Variants in ZNF576 observed in about 807,000 individuals in gnomAD.
ZNF576 encodes the protein zinc finger protein 576.
In ZNF576, 9 loss-of-function variants were observed where a neutral mutation model predicts 10.8. That is an observed-to-expected ratio of 0.84 (90% CI 0.50 to 1.46). The LOEUF (loss-of-function observed/expected upper bound fraction) is 1.46, where lower values mean the gene tolerates loss of function less well. ZNF576 is among the 40% of genes most tolerant of loss of function. The probability of loss-of-function intolerance (pLI) is 0.00; values close to 1 mark genes in which losing one functional copy is unlikely to be tolerated. For synonymous variants in ZNF576, 88 were observed against 89.6 expected (o/e 0.98, Z 0.10); for missense variants, 191 against 233.7 (o/e 0.82, Z 1.19).
chr19:43,598,617 A>G (rs1372405640), intron 2 of ZNF576, among the ~76,000 whole-genome samples: 1 of 152,136 alleles, frequency 6.6e-6, no homozygotes, highest in Non-Finnish European at 1.5e-5. Context: ...TCCTAGCCTC[A>G]TGACTATGGG....
chr19:43,597,491 G>T (rs1024413665), intron 2 of ZNF576: 10 of 295,940 alleles, frequency 3.4e-5, no homozygotes, highest in African/African-American at 1.1e-4. Context: ...TCTATTGGGA[G>T]AGAAACCCCA....
chr19:43,599,245 G>A lies in ZNF576; in HGVS notation c.500G>A (p.Arg167Gln), dbSNP rs765979082. The A allele has an allele frequency of 2.2e-5, 35 of 1,612,806 alleles. No individual in the cohort carries two copies. The highest frequency in any genetic ancestry group is 7.7e-5 in the South Asian group (7 of 91,002). Residue 167 changes from arginine (R) to glutamine (Q), a missense_variant, in exon 3 of 3, where the codon CGG (arginine) becomes CAG (glutamine). By Grantham distance (43) the Arg-to-Gln change is conservative (BLOSUM62 1). Transcript: ENST00000336564. ...CATCAACACTACATTCGGCATGCCCGGGGGGAGCTCTGAGTGCAGCTTAAG... is the reference window on the plus strand; with the variant it reads ...CATCAACACTACATTCGGCATGCCCAGGGGGAGCTCTGAGTGCAGCTTAAG... Reference protein sequence around the residue: ...GLHQHYIRHARGEL With the variant: ...GLHQHYIRHAQGEL
chr19:43,598,131 G>A (rs1973170146), intron 2 of ZNF576, among the ~76,000 whole-genome samples: 1 of 152,232 alleles, frequency 6.6e-6, no homozygotes, highest in Non-Finnish European at 1.5e-5. Flanking sequence ...AGCAGCAGCA[G>A]ACATTCACAT....
At chr19:43,597,413 C>T (rs920062597) in intron 2 of ZNF576, 2 of 502,662 alleles carry the variant, frequency 4.0e-6, no homozygotes, top group Non-Finnish European at 7.3e-6. Context: ...GATTGCAATG[C>T]TTATGCATTC....
intron 2 of ZNF576, 31 bp downstream of exon 2, chr19:43,597,224 G>A: frequency 1.9e-6 from 3 of 1,600,474 alleles, no homozygotes; most frequent in Non-Finnish European, 2.6e-6. Context: ...GGCTAGAGGA[G>A]GGTGGGGTGC....
Position 43,599,252 on chromosome 19 carries a change from GCT to G in ZNF576, c.510_511del (p.Ter171SerfsTer4). 1 of 1,612,654 alleles carries G rather than the reference GCT, an allele frequency of 6.2e-7. No homozygotes were observed. Among genetic ancestry groups the G allele is most frequent in the South Asian group, 1.1e-5 (1 of 91,006 alleles). ...ACTACATTCGGCATGCCCGGGGGGAGCTCTGAGTGCAGCTTAAGCCTCTCCAC... is the reference window on the plus strand; with the variant it reads ...ACTACATTCGGCATGCCCGGGGGGAGCTGAGTGCAGCTTAAGCCTCTCCAC... ...QHYIRHARGE[L>X] On this transcript the variant is annotated frameshift_variant, in exon 3 of 3. Coordinates refer to ENST00000336564, the MANE Select transcript of ZNF576 (RefSeq NM_001145347.2). LOFTEE classifies it high-confidence loss of function.
chr19:43,598,573 C>T (rs1027098725), intron 2 of ZNF576, among the ~76,000 whole-genome samples: 4 of 152,198 alleles, frequency 2.6e-5, no homozygotes, highest in Non-Finnish European at 5.9e-5. Flanking sequence ...CAGGCTGACT[C>T]TCTGGGTTCC....
chr19:43,599,198 C>T lies in ZNF576; in HGVS notation c.453C>T (p.Asp151=). The change falls in exon 3 of 3, where the codon GAC becomes GAT. Residue 151 remains aspartate (D), a synonymous_variant. Transcript: ENST00000336564. The part of the protein sequence containing the change: ...GTFACTECGQ[D]FAQEAGLHQH... The stretch of plus-strand genomic sequence containing the variant: ...TCGCCTGCACAGAGTGCGGTCAGGA[C>T]TTTGCTCAGGAAGCAGGGCTGCATC... 1 of 1,614,250 alleles carries T rather than the reference C, an allele frequency of 6.2e-7. No homozygotes were observed. The highest frequency in any genetic ancestry group is 1.1e-5 in the South Asian group (1 of 91,090).
chr19:43,597,761 T>C (rs1973164420), intron 2 of ZNF576, among the ~76,000 whole-genome samples: 1 of 152,166 alleles, frequency 6.6e-6, no homozygotes, highest in Admixed American at 6.5e-5. Flanking sequence ...ATTGAGTCCT[T>C]CTAATAATAG....
chr19:43,598,611 A>G (rs1973174809), intron 2 of ZNF576, among the ~76,000 whole-genome samples: 1 of 152,044 alleles, frequency 6.6e-6, no homozygotes, highest in South Asian at 2.1e-4. Context: ...TTCCTTTCCT[A>G]GCCTCATGAC....
In ZNF576 at chr19:43,598,918, C is replaced by A; in HGVS notation, c.173C>A (p.Pro58Gln). Reference sequence around the variant, plus strand: ...GAGCGTCACATGAAGCGGGAGCACCCAGCGGACTTCGTGGCCCAGAAGCTG... The same window carrying A: ...GAGCGTCACATGAAGCGGGAGCACCAAGCGGACTTCGTGGCCCAGAAGCTG... ...FQERHMKREH[P>Q]ADFVAQKLQG... is the part of the protein sequence containing the mutation. Residue 58 changes from proline to glutamine, a missense_variant, in exon 3 of 3, where the codon CCA becomes CAA. Transcript: ENST00000336564. 6.2e-7 allele frequency: 1 copy of A among 1,613,414 alleles called. No homozygotes were observed.
rs1973202264 is a variant in ZNF576 at position 43,601,030 on chromosome 19, A to G, written c.*1772A>G. On this transcript the variant is annotated 3_prime_UTR_variant, in exon 3 of 3. Transcript: ENST00000336564. The stretch of plus-strand genomic sequence containing the variant: ...AGCCACCATACCAGCCCACTTCCAT[A>G]TTGCTATCTAAGAAAGAAACTTCTA... The G allele has an allele frequency of 6.6e-6, 1 of 152,118 alleles. No homozygotes were observed. Among genetic ancestry groups the G allele is most frequent in the Admixed American group, 6.6e-5 (1 of 15,262 alleles). 9.4% of individuals were successfully genotyped at this position (152,118 alleles called of 1,614,324 possible).
At chr19:43,597,370 A>C in intron 2 of ZNF576, 177 bp downstream of exon 2, 1 of 599,536 alleles carries the variant, frequency 1.7e-6, no homozygotes, top group Non-Finnish European at 3.0e-6. Context: ...TTATGTGGCC[A>C]GAGTACTCAC....
Position 43,599,285 on chromosome 19 carries a change from C to T in ZNF576, c.*27C>T, listed in dbSNP as rs201933599. 38 of 1,592,652 alleles carry T rather than the reference C, an allele frequency of 2.4e-5. No homozygotes were observed. Among genetic ancestry groups the T allele is most frequent in the South Asian group, 1.0e-4 (9 of 88,818 alleles). On this transcript the variant is annotated 3_prime_UTR_variant, in exon 3 of 3. Transcript: ENST00000336564. Reference sequence around the variant, plus strand: ...TGCAGCTTAAGCCTCTCCACGGTGACGGGTGGCTCTGTGGCTGGTAGGACT... The same window carrying T: ...TGCAGCTTAAGCCTCTCCACGGTGATGGGTGGCTCTGTGGCTGGTAGGACT...
intron 2 of ZNF576, among the ~76,000 whole-genome samples, chr19:43,598,472 G>A (rs1048888994): frequency 6.6e-6 from 1 of 152,170 alleles, no homozygotes; most frequent in Admixed American, 6.6e-5. Flanking sequence ...GGAAACTGGT[G>A]TAATTGCCTA....
intron 1 of ZNF576, 89 bp from the exon 2 acceptor site, chr19:43,597,004 TG>T: frequency 1.9e-6 from 2 of 1,032,298 alleles, no homozygotes; most frequent in Non-Finnish European, 1.5e-6. Flanking sequence ...GGAGAGCCTC[TG>T]GCGATGTCAA....
At position 43,598,949 on chromosome 19, in the gene ZNF576, G is replaced by C; in HGVS notation, c.204G>C (p.Gly68=). The C allele has an allele frequency of 6.2e-7, 1 of 1,614,040 alleles. No homozygotes were observed. The highest frequency in any genetic ancestry group is 1.1e-5 in the South Asian group (1 of 91,080). The change falls in exon 3 of 3, where the codon GGG becomes GGC. Residue 68 remains glycine, a synonymous_variant. Coordinates refer to ENST00000336564, the MANE Select transcript of ZNF576 (RefSeq NM_001145347.2). ...PADFVAQKLQ[G]VLFICFTCAR... is the part of the protein sequence containing the mutation. ...ACTTCGTGGCCCAGAAGCTGCAGGG[G>C]GTCCTCTTCATCTGCTTCACCTGCG...
intron 2 of ZNF576, among the ~76,000 whole-genome samples, chr19:43,598,336 T>C (rs981718372): frequency 6.6e-6 from 1 of 152,192 alleles, no homozygotes; most frequent in Non-Finnish European, 1.5e-5. Context: ...CCAGGCCAGA[T>C]CCTGGATGTC....
rs2146106979 is a variant in ZNF576 at position 43,600,206 on chromosome 19, G to C, written c.*948G>C. 1 of 152,326 alleles carries C rather than the reference G, an allele frequency of 6.6e-6. No individual in the cohort carries two copies. Among genetic ancestry groups the C allele is most frequent in the South Asian group, 2.1e-4 (1 of 4,830 alleles). 9.4% of individuals were successfully genotyped at this position (152,326 alleles called of 1,614,324 possible). ...CAGCTCTCTTGAAAGGCCCAACCTA[G>C]GCTGACATTGTCAGCAGGGGCAGGA... is the stretch of plus-strand genomic sequence containing the variant. On this transcript the variant is annotated 3_prime_UTR_variant, in exon 3 of 3. Coordinates refer to ENST00000336564, the MANE Select transcript of ZNF576 (RefSeq NM_001145347.2).
Sources: gnomAD v4.1 joint callset for allele counts (sites outside exome capture counted in the v4.1 genomes callset) on GRCh38, gnomAD v4.1.1 for gene constraint, MANE v1.5 for transcripts, NCBI Gene and HGNC (gene_info 2026-07-23, HGNC 2026-07-21) for gene names.